The following NR3C1 variants were observed in gnomAD, a reference collection of about 807,000 sequenced individuals.
NR3C1 encodes the protein glucocorticoid receptor.
In NR3C1, 14 loss-of-function variants were observed where a neutral mutation model predicts 74.0. The observed-to-expected ratio is 0.19, with a 90% CI of 0.12 to 0.30. The LOEUF is 0.30. NR3C1 is among the 10% of genes least tolerant of loss of function. The pLI, the probability that NR3C1 is intolerant of heterozygous loss-of-function variation, is 1.00. For synonymous variants in NR3C1, 308 were observed against 332.5 expected (o/e 0.93, Z 0.80); for missense variants, 695 against 909.8 (o/e 0.76, Z 3.04).
chr5:143,380,858 G>C (rs954008623), intron 2 of NR3C1, among the ~76,000 whole-genome samples: 1 of 152,106 alleles, frequency 6.6e-6, no homozygotes, highest in African/African-American at 2.4e-5. Flanking sequence ...ATACTGAATG[G>C]GGAAAAACTG....
intron 2 of NR3C1, among the ~76,000 whole-genome samples, chr5:143,358,268 T>C (rs1025994745): frequency 1.3e-5 from 2 of 152,176 alleles, no homozygotes; most frequent in African/African-American, 2.4e-5. Context: ...GCAGTGGACA[T>C]AAGAGGACAT....
rs774364229 is a variant in NR3C1, at chr5:143,282,607, C to A, written c.2142G>T (p.Arg714=). The change falls in exon 8 of 9, where the codon CGG becomes CGT. Residue 714 remains arginine, a synonymous_variant. Transcript: ENST00000394464. The part of the protein sequence containing the change: ...REGNSSQNWQ[R]FYQLTKLLDS... ...CCAAGAGTTTTGTCAGTTGATAAAA[C>A]CGCTGCCAGTTCTGGCTGGAGTTTC... 17 of 1,613,826 alleles carry A rather than the reference C, an allele frequency of 1.1e-5. No homozygotes were observed. Among genetic ancestry groups the A allele is most frequent in the Non-Finnish European group, 1.4e-5 (16 of 1,179,898 alleles).
At chr5:143,307,392 C>T (rs1376394493) in intron 4 of NR3C1, among the ~76,000 whole-genome samples, 3 of 152,224 alleles carry the variant, frequency 2.0e-5, no homozygotes, top group South Asian at 2.1e-4. Context: ...GGACAGATTT[C>T]GTAGCCTAGT....
intron 2 of NR3C1, chr5:143,375,713 A>G (rs1225037970): frequency 6.6e-6 from 1 of 152,238 alleles, no homozygotes; most frequent in Non-Finnish European, 1.5e-5. Context: ...CCATGCTAAC[A>G]GCAGAGAGCC....
At chr5:143,385,653 C>T (rs1398423532) in intron 2 of NR3C1, among the ~76,000 whole-genome samples, 1 of 152,228 alleles carries the variant, frequency 6.6e-6, no homozygotes, top group Non-Finnish European at 1.5e-5. Context: ...TTTGCTAAAG[C>T]AAAGCAAAAG....
intron 2 of NR3C1, among the ~76,000 whole-genome samples, chr5:143,323,913 A>T (rs1823966618): frequency 6.6e-6 from 1 of 152,188 alleles, no homozygotes; most frequent in Non-Finnish European, 1.5e-5. Flanking sequence ...TAAAGCCCCA[A>T]AATGATCTCC....
At chr5:143,363,410 AAAAG>A (rs992346185) in intron 2 of NR3C1, among the ~76,000 whole-genome samples, 8 of 152,110 alleles carry the variant, frequency 5.3e-5, no homozygotes, top group Non-Finnish European at 8.8e-5. Flanking sequence ...AGTACACAGG[AAAAG>A]AAAGAAAGAA....
chr5:143,279,902 A>ATACTT lies in NR3C1; in HGVS notation c.*1982_*1986dup, dbSNP rs1174851487. The ATACTT allele has an allele frequency of 6.5e-6, 1 of 153,748 alleles. No homozygotes were observed. Among genetic ancestry groups the ATACTT allele is most frequent in the Non-Finnish European group, 1.4e-5 (1 of 69,004 alleles). The allele number at this position is 153,748 out of a possible 1,614,324, so 9.5% of individuals were successfully genotyped here. On this transcript the variant is annotated 3_prime_UTR_variant, in exon 9 of 9. Transcript: ENST00000394464. ...CACCACCTTCCTGTCTCCTGTTTAC[A>ATACTT]TACTTTACATACTTTAGTGCAAGGG...
intron 2 of NR3C1, among the ~76,000 whole-genome samples, chr5:143,358,994 A>G (rs981776906): frequency 3.3e-5 from 5 of 152,228 alleles, no homozygotes; most frequent in Non-Finnish European, 5.9e-5. Context: ...TTGTACATTC[A>G]AATTTATAAT....
In NR3C1 at chr5:143,303,694, A is replaced by G. The variant is rs114300871; in HGVS notation, c.1469-2931T>C. Among the ~76,000 whole-genome samples the G allele has an allele frequency of 1.7e-3, 260 of 152,256 alleles. 1 individual carries two copies. The highest frequency in any genetic ancestry group is 5.6e-3 in the Admixed American group (86 of 15,292). ...ATACAAAAATCTTCAACAAAACACT[A>G]GCAAACTGAATCCAGCTGCACATCA... On this transcript the variant is annotated intron_variant, in intron 4 of 8. Coordinates refer to ENST00000394464, the MANE Select transcript of NR3C1 (RefSeq NM_000176.3).
intron 2 of NR3C1, among the ~76,000 whole-genome samples, chr5:143,334,542 G>A (rs1343652797): frequency 6.6e-6 from 1 of 151,984 alleles, no homozygotes; most frequent in East Asian, 1.9e-4. Flanking sequence ...TGTATCCTAG[G>A]GTTTAATGTT....
intron 2 of NR3C1, among the ~76,000 whole-genome samples, chr5:143,367,932 A>G (rs931199478): frequency 1.3e-5 from 2 of 152,208 alleles, no homozygotes. Context: ...CGAACACGGA[A>G]TATAGGCAAA....
intron 1 of NR3C1, among the ~76,000 whole-genome samples, chr5:143,429,786 A>C (rs890239051): frequency 1.3e-5 from 2 of 152,228 alleles, no homozygotes; most frequent in African/African-American, 2.4e-5. Flanking sequence ...GCCATCAAAA[A>C]TCATGGTTTT....
chr5:143,423,979 G>T (rs541457683), intron 1 of NR3C1, among the ~76,000 whole-genome samples: 1 of 144,570 alleles, frequency 6.9e-6, no homozygotes, highest in East Asian at 2.2e-4. Context: ...GTGTTTAACC[G>T]CATATTCTCA....
chr5:143,292,895 T>C (rs1816270001), intron 7 of NR3C1, among the ~76,000 whole-genome samples: 1 of 152,248 alleles, frequency 6.6e-6, no homozygotes, highest in Non-Finnish European at 1.5e-5. Context: ...ACCTCCATTC[T>C]CTGAGGGATC....
In NR3C1 at chr5:143,298,711, T is replaced by G; in HGVS notation, c.1849A>C (p.Ser617Arg). Residue 617 changes from serine (S) to arginine (R), a missense_variant, in exon 6 of 9, where the codon AGT becomes CGT. Physicochemically the swap from Ser to Arg is moderately radical, Grantham distance 110. This residue lies in a region of NR3C1 where 133 missense variants were observed against 287.9 expected (regional missense o/e 0.46). Coordinates refer to ENST00000394464, the MANE Select transcript of NR3C1 (RefSeq NM_000176.3). ...GGAGCAAAACACAGCAGGTTTGCAC[T>G]TGATTGTCTATATGATCTCCACCCC... ...ALGWRSYRQS[S>R]ANLLCFAPDL... 1 of 1,613,968 alleles carries G rather than the reference T, an allele frequency of 6.2e-7. No homozygotes were observed. The highest frequency in any genetic ancestry group is 1.1e-5 in the South Asian group (1 of 91,086).
chr5:143,397,001 A>C (rs921551232), intron 2 of NR3C1, among the ~76,000 whole-genome samples: 1 of 151,890 alleles, frequency 6.6e-6, no homozygotes, highest in Non-Finnish European at 1.5e-5. Flanking sequence ...GTTTTACTTA[A>C]AGAATAGATT....
chr5:143,342,230 A>G (rs562256369), intron 2 of NR3C1, among the ~76,000 whole-genome samples: 53 of 152,334 alleles, frequency 3.5e-4, no homozygotes, highest in Non-Finnish European at 7.1e-4. Context: ...TACTATAATG[A>G]CGGAGGCTAA....
intron 7 of NR3C1, among the ~76,000 whole-genome samples, chr5:143,285,045 A>T (rs1295983695): frequency 7.5e-6 from 1 of 133,700 alleles, no homozygotes; most frequent in Non-Finnish European, 1.6e-5. Flanking sequence ...CTGGAAACGA[A>T]GGAGGTACAC....
Sources: allele counts gnomAD v4.1 joint callset (sites outside exome capture counted in the v4.1 genomes callset), GRCh38; gene constraint gnomAD v4.1.1; regional missense constraint gnomAD v4.1.1; transcripts MANE v1.5; gene names NCBI Gene and HGNC (gene_info 2026-07-23, HGNC 2026-07-21).